The following SEC61A2 variants were observed in gnomAD, a reference collection of about 807,000 sequenced individuals.
SEC61A2 encodes protein transport protein Sec61 subunit alpha isoform 2.
A neutral mutation model predicts 59.9 loss-of-function variants in SEC61A2; 28 were observed. That is an observed-to-expected ratio of 0.47 (90% CI 0.35 to 0.64). The LOEUF (loss-of-function observed/expected upper bound fraction) is 0.64. SEC61A2 is among the 30% of genes least tolerant of loss of function. SEC61A2 has a pLI of 0.01. For synonymous variants in SEC61A2, 202 were observed against 214.4 expected (o/e 0.94, Z 0.50); for missense variants, 340 against 585.9 (o/e 0.58, Z 4.33).
At chr10:12,130,145 G>A (rs1373725468) in intron 1 of SEC61A2, among the ~76,000 whole-genome samples, 1 of 152,048 alleles carries the variant, frequency 6.6e-6, no homozygotes, top group Non-Finnish European at 1.5e-5. Flanking sequence ...TTATTCCCTC[G>A]TCATCTTTCC....
downstream of SEC61A2, chr10:12,166,223 C>G (rs1442792486): frequency 6.5e-6 from 1 of 152,988 alleles, no homozygotes; most frequent in African/African-American, 2.4e-5. Context: ...TGTGGAAAGA[C>G]TGGGCTGCGC....
intron 3 of SEC61A2, among the ~76,000 whole-genome samples, chr10:12,141,211 C>T (rs1400180045): frequency 6.6e-6 from 1 of 152,136 alleles, no homozygotes; most frequent in African/African-American, 2.4e-5. Context: ...TCACCTCTCA[C>T]TTTAAATGAA....
rs559621569 is a variant in SEC61A2, at chr10:12,163,226, G to A, written c.1244+937G>A. On this transcript the variant is annotated intron_variant, in intron 11 of 11. Transcript: ENST00000298428. ...AAGTGGGGCACAATCACAGCTCACC[G>A]CAGCCTCTTGGGCTCAAGCGATCCT... 6.0e-5 allele frequency among the ~76,000 whole-genome samples: 9 copies of A among 151,166 alleles called. No individual in the cohort carries two copies. The South Asian group carries it at 1.7e-3, about 28-fold the overall frequency.
At position 12,154,305 on chromosome 10, in the gene SEC61A2, G is replaced by A. The variant is rs921456599; in HGVS notation, c.463-1473G>A. On this transcript the variant is annotated intron_variant, in intron 6 of 11. Coordinates refer to ENST00000298428, the MANE Select transcript of SEC61A2 (RefSeq NM_018144.4). The surrounding 1 kb of genome is among the most constrained non-coding windows in gnomAD (Gnocchi z 5.2). Reference sequence around the variant, plus strand: ...GAAAAACCCAAGTTTAATTTTCACAGGACATATGTGAACCACTCTGTAGTC... The same window carrying A: ...GAAAAACCCAAGTTTAATTTTCACAAGACATATGTGAACCACTCTGTAGTC... Among the ~76,000 whole-genome samples the A allele has an allele frequency of 1.6e-4, 24 of 152,128 alleles. No individual in the cohort carries two copies. Among genetic ancestry groups the A allele is most frequent in the African/African-American group, 5.8e-4 (24 of 41,412 alleles).
At position 12,152,372 on chromosome 10, in the gene SEC61A2, G is replaced by A. The variant is rs970279169; in HGVS notation, c.462+2411G>A. 2.7e-5 allele frequency among the ~76,000 whole-genome samples: 4 copies of A among 150,550 alleles called. No individual in the cohort carries two copies. The highest frequency in any genetic ancestry group is 6.6e-5 in the Admixed American group (1 of 15,136). On this transcript the variant is annotated intron_variant, in intron 6 of 11. Coordinates refer to ENST00000298428, the MANE Select transcript of SEC61A2 (RefSeq NM_018144.4). The surrounding 1 kb of genome is among the most constrained non-coding windows in gnomAD (Gnocchi z 5.5). The stretch of plus-strand genomic sequence containing the variant: ...TGGGATTACAGGCGTGAGCCACCAC[G>A]CCCCGCCCAGGGCAGGAATTTTTAA...
downstream of SEC61A2, chr10:12,169,527 G>A (rs905176456): frequency 6.1e-6 from 3 of 493,272 alleles, no homozygotes; most frequent in African/African-American, 2.0e-5. The surrounding 1 kb of genome is among the most constrained non-coding windows in gnomAD (Gnocchi z 4.8). Context: ...GCGCTGCCTC[G>A]TATTGATTGT....
intron 4 of SEC61A2, among the ~76,000 whole-genome samples, chr10:12,148,239 A>ATTT (rs66965878): frequency 3.1e-5 from 3 of 97,406 alleles, no homozygotes; most frequent in African/African-American, 1.2e-4. Flanking sequence ...ATGCCCGGCC[A>ATTT]TTTTTTTTTT....
chr10:12,169,714 C>T (rs1834809382), downstream of SEC61A2: 1 of 225,974 alleles, frequency 4.4e-6, no homozygotes, highest in Non-Finnish European at 8.6e-6. The surrounding 1 kb of genome is among the most constrained non-coding windows in gnomAD (Gnocchi z 4.8). Context: ...AAAGAAATCA[C>T]AGCAGCCTTT....
At chr10:12,168,761 T>A (rs140391936), downstream of SEC61A2, among the ~76,000 whole-genome samples, 1,015 of 152,174 alleles carry the variant, frequency 6.7e-3, 9 homozygotes, top group African/African-American at 0.02. The surrounding 1 kb of genome is among the most constrained non-coding windows in gnomAD (Gnocchi z 4.8). Context: ...GATCTTTTTT[T>A]AATTTTTTTT....
rs1177895581 is a variant in SEC61A2 at position 12,160,345 on chromosome 10, C to T, written c.976-585C>T. 1.3e-5 allele frequency among the ~76,000 whole-genome samples: 2 copies of T among 152,150 alleles called. No individual in the cohort carries two copies. The highest frequency in any genetic ancestry group is 2.4e-5 in the African/African-American group (1 of 41,434). ...CAACTAAAAATTGGTTTCTCACCCC[C>T]TATCTGTATACCCCAAAACTTTATT... On this transcript the variant is annotated intron_variant, in intron 9 of 11. Transcript: ENST00000298428. This position sits in a 1 kb window ranked among gnomAD's most constrained non-coding sequence, Gnocchi z 4.1.
chr10:12,146,208 A>G (rs1834133717), intron 4 of SEC61A2, among the ~76,000 whole-genome samples: 1 of 152,068 alleles, frequency 6.6e-6, no homozygotes, highest in African/African-American at 2.4e-5. Flanking sequence ...TTTAGTAGAG[A>G]TGGGGTTTCA....
chr10:12,155,322 C>G lies in SEC61A2; in HGVS notation c.463-456C>G, dbSNP rs773048715. On this transcript the variant is annotated intron_variant, in intron 6 of 11. Transcript: ENST00000298428. This position sits in a 1 kb window ranked among gnomAD's most constrained non-coding sequence, Gnocchi z 4.3. ...TGCTTTTTTCAAAGGATCAACACAG[C>G]CCTTAGACTTATCCTTTGATGGCAG... 40 of 1,575,878 alleles carry G rather than the reference C, an allele frequency of 2.5e-5. No individual in the cohort carries two copies. The African/African-American group carries it at 4.7e-4, about 19-fold the overall frequency.
Position 12,133,903 on chromosome 10 carries a change from A to G in SEC61A2, c.75+595A>G, listed in dbSNP as rs1483570269. ...GTTAATCCTAGATTGGCCAATTTCTAGAAATTCTTCATCAAACTACAAATT... is the reference window on the plus strand; with the variant it reads ...GTTAATCCTAGATTGGCCAATTTCTGGAAATTCTTCATCAAACTACAAATT... On this transcript the variant is annotated intron_variant, in intron 2 of 11. Transcript: ENST00000298428. Among the ~76,000 whole-genome samples the G allele has an allele frequency of 2.6e-5, 4 of 152,270 alleles. No individual in the cohort carries two copies. The East Asian group carries it at 7.7e-4, about 29-fold the overall frequency.
intron 3 of SEC61A2, among the ~76,000 whole-genome samples, chr10:12,139,436 G>A (rs1289163002): frequency 6.7e-6 from 1 of 150,122 alleles, no homozygotes; most frequent in Non-Finnish European, 1.5e-5. Flanking sequence ...AATCACCTGA[G>A]GTTGGGAGTT....
chr10:12,130,953 A>G (rs950645857), intron 1 of SEC61A2: 7 of 152,370 alleles, frequency 4.6e-5, no homozygotes, highest in African/African-American at 1.7e-4. Context: ...AGGGCGGATC[A>G]CCCGAGGTCA....
chr10:12,133,081 C>T (rs542045206), intron 1 of SEC61A2, among the ~76,000 whole-genome samples, 160 bp from the exon 2 acceptor site: 3 of 152,322 alleles, frequency 2.0e-5, no homozygotes, highest in South Asian at 2.1e-4. Context: ...TCTTCCTTTA[C>T]ATATCATTTG....
chr10:12,141,876 C>T (rs1834029044), intron 3 of SEC61A2, among the ~76,000 whole-genome samples: 1 of 152,100 alleles, frequency 6.6e-6, no homozygotes, highest in Non-Finnish European at 1.5e-5. Flanking sequence ...GCAAAATGAC[C>T]CGCAAACACT....
Position 12,149,496 on chromosome 10 carries a change from C to T in SEC61A2, c.221-99C>T, listed in dbSNP as rs903979226. The T allele has an allele frequency of 1.1e-5, 13 of 1,184,082 alleles. No homozygotes were observed. The highest frequency in any genetic ancestry group is 3.3e-5 in the South Asian group (2 of 61,282). The allele number at this position is 1,184,082 out of a possible 1,614,324, so 73.3% of individuals were successfully genotyped here. A position where few individuals can be genotyped will look rare whatever the true frequency, so the allele number is the denominator to read the frequency against. The stretch of plus-strand genomic sequence containing the variant: ...GAAAATTTGCTTGTTAAAATTTTCA[C>T]GTGTGTTTCAGTTGAGGTAATTAGG... On this transcript the variant is annotated intron_variant, in intron 4 of 11. Transcript: ENST00000298428. The surrounding 1 kb of genome is among the most constrained non-coding windows in gnomAD (Gnocchi z 5.2).
At position 12,158,229 on chromosome 10, in the gene SEC61A2, T is replaced by G. The variant is rs1834451652; in HGVS notation, c.975+124T>G. 1 of 746,876 alleles carries G rather than the reference T, an allele frequency of 1.3e-6. No individual in the cohort carries two copies. Among genetic ancestry groups the G allele is most frequent in the African/African-American group, 1.8e-5 (1 of 56,532 alleles). 46.3% of individuals were successfully genotyped at this position (746,876 alleles called of 1,614,324 possible). ...GTATTTTCAGATTCACTTACCTATA[T>G]AGCAGAGTTTAGTACTTATCTGGAA... On this transcript the variant is annotated intron_variant, in intron 9 of 11. Coordinates refer to ENST00000298428, the MANE Select transcript of SEC61A2 (RefSeq NM_018144.4). This position sits in a 1 kb window ranked among gnomAD's most constrained non-coding sequence, Gnocchi z 5.7.
Sources: allele counts gnomAD v4.1 joint callset (sites outside exome capture counted in the v4.1 genomes callset), GRCh38; gene constraint gnomAD v4.1.1; non-coding constraint Gnocchi (gnomAD v3.1); transcripts MANE v1.5; gene names NCBI Gene and HGNC (gene_info 2026-07-23, HGNC 2026-07-21).